C11orf65: variants seen among roughly 807,000 people sequenced by gnomAD.
The protein encoded by C11orf65 is protein MFI.
In C11orf65, 38 loss-of-function variants were observed where a neutral mutation model predicts 35.3. The ratio of observed to expected loss-of-function variants is 1.08; its 90% CI spans 0.83 to 1.41. C11orf65 has a LOEUF of 1.41. Ranked by LOEUF, C11orf65 falls within the 40% of genes most tolerant of loss-of-function variation. The pLI, the probability that C11orf65 is intolerant of heterozygous loss-of-function variation, is 0.00. For missense variants in C11orf65, 370 were observed against 367.1 expected, an observed-to-expected ratio of 1.01 and a Z score of -0.06; for synonymous variants, 105 against 114.4, an observed-to-expected ratio of 0.92 and a Z score of 0.53.
intron 6 of C11orf65, among the ~76,000 whole-genome samples, chr11:108,310,743 T>C (rs2084083821): frequency 6.6e-6 from 1 of 152,184 alleles, no homozygotes; most frequent in Non-Finnish European, 1.5e-5. Context: ...AAAATTATAA[T>C]CCAAAATGGC....
intron 2 of C11orf65, chr11:108,336,141 TAA>T (rs374306537): frequency 0.016 from 6,846 of 428,658 alleles, no homozygotes; most frequent in Middle Eastern, 0.022. Flanking sequence ...GACAAAAAGT[TAA>T]AAAAAAAAAA....
intron 2 of C11orf65, chr11:108,369,004 T>C (rs777082747): frequency 4.9e-5 from 9 of 182,564 alleles, no homozygotes; most frequent in Admixed American, 4.4e-4. Flanking sequence ...TTAATGAAAT[T>C]ATCTATTTTC....
chr11:108,322,239 C>G (rs559627023), intron 6 of C11orf65, among the ~76,000 whole-genome samples: 3 of 152,076 alleles, frequency 2.0e-5, no homozygotes, highest in African/African-American at 7.2e-5. Context: ...ACTGCAGTCT[C>G]CACCTCCCAG....
At chr11:108,330,660 G>GC (rs1170583912), downstream of C11orf65, among the ~76,000 whole-genome samples, 12 of 152,272 alleles carry the variant, frequency 7.9e-5, no homozygotes, top group Non-Finnish European at 1.5e-4. Flanking sequence ...TGTAAATGAT[G>GC]CAAGTTTGTG....
At chr11:108,328,766 T>TA (rs571144656), downstream of C11orf65, among the ~76,000 whole-genome samples, 7 of 152,002 alleles carry the variant, frequency 4.6e-5, no homozygotes, top group Admixed American at 1.3e-4. Context: ...CTAATGAGCT[T>TA]AAAAAAAATC....
chr11:108,407,682 C>T (rs1280829888), intron 3 of C11orf65, among the ~76,000 whole-genome samples: 5 of 150,962 alleles, frequency 3.3e-5, no homozygotes, highest in East Asian at 1.9e-4. Flanking sequence ...TGGTGGCTCA[C>T]GCCTGTAATC....
In C11orf65 at chr11:108,321,478, G is replaced by T. The variant is rs965932198; in HGVS notation, c.641-12407C>A. 3.1e-6 allele frequency: 5 copies of T among 1,611,298 alleles called. No individual in the cohort carries two copies. In the African/African-American group the frequency reaches 4.0e-5, roughly 13 times the overall value. ...GTGCAGCTTTTCTGTTACCAATAGT[G>T]ACTTTAAAAAATAAAAACTATAGGC... On this transcript the variant is annotated intron_variant, in intron 6 of 6. Transcript: ENST00000525729.
At chr11:108,341,298 GCAGTGTTACCCT>G (rs1185273854) in intron 2 of C11orf65, among the ~76,000 whole-genome samples, 2 of 152,076 alleles carry the variant, frequency 1.3e-5, no homozygotes, top group Non-Finnish European at 2.9e-5. Flanking sequence ...GGCTTCTGCT[GCAGTGTTACCCT>G]CAGAAAGGCC....
At chr11:108,378,941 C>A (rs897418353), downstream of C11orf65, among the ~76,000 whole-genome samples, 2 of 148,388 alleles carry the variant, frequency 1.3e-5, no homozygotes, top group African/African-American at 5.3e-5. Context: ...CATCTCACAC[C>A]AGTTAGAGTG....
At chr11:108,369,129 A>T (rs2091471303) in intron 2 of C11orf65, 1 of 162,500 alleles carries the variant, frequency 6.2e-6, no homozygotes, top group South Asian at 2.0e-4. Flanking sequence ...CTTTATTCAA[A>T]TATTTGTGTG....
At position 108,335,160 on chromosome 11, in the gene C11orf65, T is replaced by C. The variant is rs765885490; in HGVS notation, c.299+60A>G. The C allele has an allele frequency of 2.5e-6, 4 of 1,612,178 alleles. No individual in the cohort carries two copies. The South Asian group carries it at 4.4e-5, about 18-fold the overall frequency. ...CCCTTAGAGTTTTAGTGATGAAAAT[T>C]TTTAGTTCATATTTTCTTTCTGCTT... is the stretch of plus-strand genomic sequence containing the variant. On this transcript the variant is annotated intron_variant, in intron 3 of 3. Transcript: ENST00000524755.
At chr11:108,465,441 A>G (rs1415367002) in intron 1 of C11orf65, among the ~76,000 whole-genome samples, 1 of 152,226 alleles carries the variant, frequency 6.6e-6, no homozygotes, top group Non-Finnish European at 1.5e-5. Context: ...GAAAGAACAT[A>G]TTCAATTGTG....
At position 108,385,944 on chromosome 11, in the gene C11orf65, T is replaced by C; in HGVS notation, c.763A>G (p.Ser255Gly). The change falls in exon 8 of 9, where the codon AGC (serine) becomes GGC (glycine). Residue 255 changes from serine to glycine, a missense_variant. Physicochemically the swap from Ser to Gly is moderately conservative, Grantham distance 56. Coordinates refer to ENST00000393084, the MANE Select transcript of C11orf65 (RefSeq NM_152587.5). ...YIASWKEIAT[S>G]NSSANFKGFR... ...CCTTTGAAGTTAGCCGAAGAGTTGCTTGTAGCAATTTCCTTCCAGCTGGCA... is the reference window on the plus strand; with the variant it reads ...CCTTTGAAGTTAGCCGAAGAGTTGCCTGTAGCAATTTCCTTCCAGCTGGCA... 6.2e-7 allele frequency: 1 copy of C among 1,613,976 alleles called. No homozygotes were observed. The highest frequency in any genetic ancestry group is 8.5e-7 in the Non-Finnish European group (1 of 1,179,950).
intron 2 of C11orf65, chr11:108,366,010 C>T: frequency 8.4e-6 from 1 of 118,842 alleles, no homozygotes; most frequent in East Asian, 1.5e-4. Context: ...GCCTGGGTGA[C>T]AAGAGCGAAA....
At chr11:108,466,093 G>A (rs1231874324) in intron 1 of C11orf65, among the ~76,000 whole-genome samples, 1 of 152,040 alleles carries the variant, frequency 6.6e-6, no homozygotes, top group Admixed American at 6.6e-5. Context: ...ACTTAAAGGG[G>A]CAAAAAAAGG....
chr11:108,460,936 G>C (rs1285497895), intron 2 of C11orf65, among the ~76,000 whole-genome samples: 2 of 151,934 alleles, frequency 1.3e-5, no homozygotes, highest in Non-Finnish European at 2.9e-5. Context: ...TGTTCGTCAG[G>C]CTGGTCTCAA....
At chr11:108,385,153 A>C (rs898879226) in intron 8 of C11orf65, among the ~76,000 whole-genome samples, 1 of 152,078 alleles carries the variant, frequency 6.6e-6, no homozygotes, top group Admixed American at 6.6e-5. Context: ...GGCTCACTGC[A>C]ACCTCCGCCT....
chr11:108,353,096 T>C (rs1027427071), intron 2 of C11orf65, among the ~76,000 whole-genome samples: 1 of 152,194 alleles, frequency 6.6e-6, no homozygotes, highest in Non-Finnish European at 1.5e-5. Flanking sequence ...GGATGATCTT[T>C]TCTGTATGAT....
intron 2 of C11orf65, among the ~76,000 whole-genome samples, chr11:108,357,983 G>A (rs1178280102): frequency 1.3e-4 from 20 of 148,286 alleles, no homozygotes; most frequent in Admixed American, 1.2e-3. Flanking sequence ...GGCTTCAGAC[G>A]ATCAAATTAC....
Sources: allele counts gnomAD v4.1 joint callset (sites outside exome capture counted in the v4.1 genomes callset), GRCh38; gene constraint gnomAD v4.1.1; transcripts MANE v1.5; gene names NCBI Gene and HGNC (gene_info 2026-07-23, HGNC 2026-07-21).